The following EBF1 variants were observed in gnomAD, a reference collection of about 807,000 sequenced individuals.
EBF1 encodes the protein transcription factor COE1.
In EBF1, 10 loss-of-function variants were observed where a neutral mutation model predicts 68.4. The ratio of observed to expected loss-of-function variants is 0.15; its 90% CI spans 0.09 to 0.25. EBF1 has a LOEUF of 0.25. Ranked by LOEUF, EBF1 falls within the 10% of genes least tolerant of loss-of-function variation. The pLI, the probability that EBF1 is intolerant of heterozygous loss-of-function variation, is 1.00. For synonymous variants in EBF1, 298 were observed against 299.8 expected (o/e 0.99, Z 0.06); for missense variants, 509 against 794.4 (o/e 0.64, Z 4.32).
intron 6 of EBF1, among the ~76,000 whole-genome samples, chr5:159,037,973 T>C (rs1254070011): frequency 1.3e-5 from 2 of 152,090 alleles, no homozygotes; most frequent in East Asian, 1.9e-4. Flanking sequence ...CAAATACCCA[T>C]ACCTAGGTTC....
At chr5:158,874,702 C>T (rs1365878582) in intron 6 of EBF1, among the ~76,000 whole-genome samples, 2 of 151,738 alleles carry the variant, frequency 1.3e-5, no homozygotes, top group East Asian at 3.9e-4. Flanking sequence ...CTGCAAGACT[C>T]GGCAGGAATT....
At chr5:159,095,362 C>A (rs1473699764) in intron 4 of EBF1, among the ~76,000 whole-genome samples, 2 of 152,168 alleles carry the variant, frequency 1.3e-5, no homozygotes, top group Non-Finnish European at 2.9e-5. Context: ...CCCTTTTTCT[C>A]GCCACTCAGC....
At chr5:158,971,288 C>T (rs561606250) in intron 6 of EBF1, among the ~76,000 whole-genome samples, 3 of 152,142 alleles carry the variant, frequency 2.0e-5, no homozygotes, top group Admixed American at 6.5e-5. Context: ...CCATGGGTCT[C>T]GGAAAATAGC....
chr5:158,872,430 C>G lies in EBF1; in HGVS notation c.555-32320G>C, dbSNP rs142192117. On this transcript the variant is annotated intron_variant, in intron 6 of 15. Coordinates refer to ENST00000313708, the MANE Select transcript of EBF1 (RefSeq NM_024007.5). ...CAGGCTGGTCTCGAACTCCTGACCC[C>G]GCGAACTGATCCACCAGCCTTGGCA... Among the ~76,000 whole-genome samples, 928 of 152,176 alleles carry G rather than the reference C, an allele frequency of 6.1e-3. 12 individuals are homozygous for G. The highest frequency in any genetic ancestry group is 0.021 in the African/African-American group (875 of 41,534).
chr5:158,963,760 C>T (rs1265444538), intron 6 of EBF1, among the ~76,000 whole-genome samples: 8 of 152,180 alleles, frequency 5.3e-5, no homozygotes, highest in South Asian at 2.1e-4. Context: ...GAATATCTAA[C>T]GAAAGAGTGT....
intron 8 of EBF1, 79 bp from the exon 9 acceptor site, chr5:158,796,554 G>GAAAAAAA: frequency 1.4e-6 from 2 of 1,389,898 alleles, no homozygotes; most frequent in Non-Finnish European, 1.9e-6. Context: ...TGAGAAAAAG[G>GAAAAAAA]AAAAAAAAAA....
chr5:158,713,147 C>A lies in EBF1; in HGVS notation c.1192G>T (p.Glu398Ter). ...ALYGMPHNNQ[E>*]IILKRAADIA... ...TCGGCCGCTCTCTTCAGAATGATTT[C>A]CTGAAAAGTCAAAGGAATATCCCCT... The change falls in exon 13 of 16, where the codon GAA becomes TAA. Residue 398 changes from glutamate to a stop codon, truncating the protein, a stop_gained and splice_region_variant. Transcript: ENST00000313708. LOFTEE classifies it high-confidence loss of function. 1 of 1,464,668 alleles carries A rather than the reference C, an allele frequency of 6.8e-7. No individual in the cohort carries two copies. The highest frequency in any genetic ancestry group is 9.1e-7 in the Non-Finnish European group (1 of 1,098,806). The allele number at this position is 1,464,668 out of a possible 1,614,324, so 90.7% of individuals were successfully genotyped here.
intron 6 of EBF1, among the ~76,000 whole-genome samples, chr5:158,877,884 C>T (rs1798095603): frequency 6.6e-6 from 1 of 151,908 alleles, no homozygotes; most frequent in African/African-American, 2.4e-5. Context: ...CCATATATTG[C>T]TCTGGAAATA....
intron 6 of EBF1, among the ~76,000 whole-genome samples, chr5:158,963,100 G>A (rs370430936): frequency 1.3e-5 from 2 of 152,180 alleles, no homozygotes; most frequent in African/African-American, 4.8e-5. Context: ...TAACTTCTTC[G>A]GTGGCTTATA....
chr5:158,753,119 A>T (rs989674227), intron 10 of EBF1, among the ~76,000 whole-genome samples: 15 of 151,696 alleles, frequency 9.9e-5, no homozygotes, highest in African/African-American at 3.6e-4. Context: ...GCAGAAAGTA[A>T]TTTTTTTTTA....
intron 6 of EBF1, among the ~76,000 whole-genome samples, chr5:159,069,237 C>G (rs1345598854): frequency 2.0e-5 from 3 of 151,158 alleles, no homozygotes; most frequent in Non-Finnish European, 2.9e-5. Flanking sequence ...CACTTGTTAA[C>G]AGATAAGGAT....
intron 6 of EBF1, among the ~76,000 whole-genome samples, chr5:159,039,880 C>T (rs1241617078): frequency 6.6e-6 from 1 of 152,234 alleles, no homozygotes; most frequent in Non-Finnish European, 1.5e-5. Context: ...TTGATATACA[C>T]AGCTAGGTTT....
chr5:158,910,615 AAATT>A (rs1805757424), intron 6 of EBF1, among the ~76,000 whole-genome samples: 1 of 152,230 alleles, frequency 6.6e-6, no homozygotes, highest in Non-Finnish European at 1.5e-5. Context: ...GCTCAATAAA[AAATT>A]AATTGATGTA....
intron 6 of EBF1, among the ~76,000 whole-genome samples, chr5:159,021,312 T>C (rs1332265975): frequency 2.6e-5 from 4 of 152,204 alleles, no homozygotes; most frequent in East Asian, 1.9e-4. Context: ...ACTGCACTCA[T>C]AGGAGGAAAA....
chr5:158,839,647 T>C (rs1789715248), intron 7 of EBF1, among the ~76,000 whole-genome samples: 1 of 152,220 alleles, frequency 6.6e-6, no homozygotes, highest in Non-Finnish European at 1.5e-5. Context: ...CCTCCCAAAG[T>C]GCTGGGATTA....
intron 6 of EBF1, among the ~76,000 whole-genome samples, chr5:159,051,590 C>T (rs1187201234): frequency 6.6e-6 from 1 of 151,800 alleles, no homozygotes; most frequent in Non-Finnish European, 1.5e-5. Flanking sequence ...ACCGCCGGCC[C>T]GGCTCGGTGC....
At chr5:158,957,895 C>A (rs1291063804) in intron 6 of EBF1, among the ~76,000 whole-genome samples, 1 of 152,182 alleles carries the variant, frequency 6.6e-6, no homozygotes, top group East Asian at 1.9e-4. Context: ...GTCCTTACAA[C>A]CAATCTGACT....
At chr5:158,936,200 G>A (rs888818681) in intron 6 of EBF1, among the ~76,000 whole-genome samples, 6 of 152,094 alleles carry the variant, frequency 3.9e-5, no homozygotes, top group Non-Finnish European at 8.8e-5. Flanking sequence ...ACATGAAAAT[G>A]GTCTTTGATT....
intron 11 of EBF1, among the ~76,000 whole-genome samples, chr5:158,721,903 C>CTT (rs879649056): frequency 6.9e-6 from 1 of 145,574 alleles, no homozygotes; most frequent in Non-Finnish European, 1.5e-5. Flanking sequence ...TTTCCCCTCC[C>CTT]TTTTTTTTTT....
Sources: allele counts gnomAD v4.1 joint callset (sites outside exome capture counted in the v4.1 genomes callset), GRCh38; gene constraint gnomAD v4.1.1; transcripts MANE v1.5; gene names NCBI Gene and HGNC (gene_info 2026-07-23, HGNC 2026-07-21).